Variants in SLC38A12 observed in about 807,000 individuals in gnomAD.
SLC38A12 encodes the protein putative sodium-coupled neutral amino acid transporter 12.
the SLC38A12 span, chr17:74,835,995 CT>C: frequency 1.2e-6 from 2 of 1,612,162 alleles, no homozygotes; most frequent in South Asian, 2.2e-5. Flanking sequence ...GCACCCGCCC[CT>C]GGCTGACTTC....
the SLC38A12 span, among the ~76,000 whole-genome samples, chr17:74,798,145 C>T: frequency 1.1e-3 from 163 of 152,296 alleles, no homozygotes; most frequent in African/African-American, 3.5e-3. Context: ...AGATGGTGCC[C>T]CTACCCAGGC....
the SLC38A12 span, among the ~76,000 whole-genome samples, chr17:74,789,622 GATC>G: frequency 6.6e-6 from 1 of 151,364 alleles, no homozygotes; most frequent in African/African-American, 2.4e-5. Flanking sequence ...GAGGTGGGTG[GATC>G]ACCTGAGGTC....
At chr17:74,819,632 C>T in the SLC38A12 span, 1 of 961,024 alleles carries the variant, frequency 1.0e-6, no homozygotes, top group Non-Finnish European at 1.6e-6. Context: ...TCCAGGTGTG[C>T]CCAAGTCAGG....
At chr17:74,816,768 C>A in the SLC38A12 span, among the ~76,000 whole-genome samples, 2 of 151,934 alleles carry the variant, frequency 1.3e-5, no homozygotes, top group Non-Finnish European at 1.5e-5. Flanking sequence ...AGTCCTTGAG[C>A]AGAGACTGAG....
At chr17:74,815,558 T>G in the SLC38A12 span, among the ~76,000 whole-genome samples, 1 of 152,166 alleles carries the variant, frequency 6.6e-6, no homozygotes, top group African/African-American at 2.4e-5. Context: ...ACACGCTCCG[T>G]GGTGCGGTTA....
At chr17:74,838,521 T>G in the SLC38A12 span, 1 of 1,054,418 alleles carries the variant, frequency 9.5e-7, no homozygotes, top group East Asian at 7.7e-5. Context: ...AAGCCCAGGT[T>G]GATTTATGTG....
the SLC38A12 span, chr17:74,777,146 T>C: frequency 1.5e-6 from 1 of 675,596 alleles, no homozygotes; most frequent in South Asian, 1.6e-5. Flanking sequence ...TTGTGACAGA[T>C]ACTGAGGCCC....
chr17:74,786,511 T>C, the SLC38A12 span, among the ~76,000 whole-genome samples: 5 of 151,850 alleles, frequency 3.3e-5, no homozygotes, highest in Admixed American at 6.6e-5. Flanking sequence ...AATGGGTAAA[T>C]GGAAGAGTGA....
chr17:74,834,668 C>G, the SLC38A12 span, among the ~76,000 whole-genome samples: 3 of 152,336 alleles, frequency 2.0e-5, no homozygotes, highest in Non-Finnish European at 4.4e-5. Context: ...CAGACAGGAG[C>G]CACCGAGCTG....
the SLC38A12 span, chr17:74,838,976 A>T: frequency 5.9e-6 from 9 of 1,535,682 alleles, no homozygotes; most frequent in Non-Finnish European, 7.8e-6. Context: ...AGGAAAGCTT[A>T]AACTCAACAG....
chr17:74,836,120 C>T, the SLC38A12 span: 1 of 1,613,996 alleles, frequency 6.2e-7, no homozygotes, highest in Non-Finnish European at 8.5e-7. The surrounding 1 kb of genome is among the most constrained non-coding windows in gnomAD (Gnocchi z 4.2). Flanking sequence ...GGCTGGTGTT[C>T]CTGGACTACG....
the SLC38A12 span, among the ~76,000 whole-genome samples, chr17:74,807,368 G>A: frequency 3.9e-5 from 6 of 152,210 alleles, no homozygotes; most frequent in South Asian, 2.1e-4. Context: ...ATGGCCCATC[G>A]CAGCGTGGTT....
chr17:74,836,849 C>T, the SLC38A12 span: 4 of 1,414,218 alleles, frequency 2.8e-6, no homozygotes, highest in Non-Finnish European at 3.7e-6. This position sits in a 1 kb window ranked among gnomAD's most constrained non-coding sequence, Gnocchi z 4.2. Context: ...CCCCACCCAC[C>T]TTCCACCCAG....
chr17:74,819,652 A>G, the SLC38A12 span: 3 of 1,195,742 alleles, frequency 2.5e-6, no homozygotes, highest in South Asian at 3.8e-5. Context: ...GCCCGGCCTT[A>G]GCTATGGGCG....
At chr17:74,801,803 C>CT in the SLC38A12 span, among the ~76,000 whole-genome samples, 1 of 152,082 alleles carries the variant, frequency 6.6e-6, no homozygotes, top group Non-Finnish European at 1.5e-5. Context: ...TGCTTGCTTG[C>CT]TTTTTTTCCC....
At chr17:74,801,872 A>G in the SLC38A12 span, among the ~76,000 whole-genome samples, 1 of 151,678 alleles carries the variant, frequency 6.6e-6, no homozygotes, top group Non-Finnish European at 1.5e-5. Context: ...TGTGCTTTCC[A>G]TCCCCCTACC....
the SLC38A12 span, chr17:74,777,133 G>A: frequency 1.5e-6 from 1 of 653,530 alleles, no homozygotes; most frequent in African/African-American, 1.8e-5. Flanking sequence ...TCGGGGGTGA[G>A]TCTTGTGACA....
chr17:74,791,117 C>G, the SLC38A12 span: 1 of 1,271,928 alleles, frequency 7.9e-7, no homozygotes, highest in Non-Finnish European at 1.1e-6. Flanking sequence ...GTAATGAGGG[C>G]TCCACCCTGA....
At chr17:74,790,392 C>A in the SLC38A12 span, 1 of 1,080,902 alleles carries the variant, frequency 9.3e-7, no homozygotes, top group Non-Finnish European at 1.4e-6. Flanking sequence ...CCCGCAGATT[C>A]TGGCATTTCC....
Sources: allele counts gnomAD v4.1 joint callset (sites outside exome capture counted in the v4.1 genomes callset), GRCh38; gene constraint gnomAD v4.1.1; non-coding constraint Gnocchi (gnomAD v3.1); transcripts MANE v1.5; gene names NCBI Gene and HGNC (gene_info 2026-07-23, HGNC 2026-07-21).